The following CHCHD6 variants were observed in gnomAD, a reference collection of about 807,000 sequenced individuals.
CHCHD6 encodes MICOS complex subunit MIC25.
CHCHD6 carries 28 observed loss-of-function variants against 32.3 expected under a neutral mutation model. The ratio of observed to expected loss-of-function variants is 0.87; its 90% confidence interval spans 0.64 to 1.19. CHCHD6 has a LOEUF of 1.19. CHCHD6 is among the 50% of genes most tolerant of loss of function. The probability of loss-of-function intolerance (pLI) is 0.00; values close to 1 mark genes in which losing one functional copy is unlikely to be tolerated. For synonymous variants in CHCHD6, 122 were observed against 117.5 expected (o/e 1.04, Z -0.25); for missense variants, 333 against 307.0 (o/e 1.08, Z -0.63).
At chr3:126,705,094 G>C (rs1017970331) in intron 1 of CHCHD6, among the ~76,000 whole-genome samples, 17 of 152,136 alleles carry the variant, frequency 1.1e-4, no homozygotes, top group Non-Finnish European at 2.4e-4. Flanking sequence ...TCTGTGCGCC[G>C]GCTGTTCTCT....
At chr3:126,951,301 C>T (rs1461126970) in intron 6 of CHCHD6, among the ~76,000 whole-genome samples, 1 of 152,174 alleles carries the variant, frequency 6.6e-6, no homozygotes, top group Non-Finnish European at 1.5e-5. Flanking sequence ...TTATAAATTA[C>T]CCAGTCTCAG....
At chr3:126,951,914 T>C (rs1300599649) in intron 6 of CHCHD6, among the ~76,000 whole-genome samples, 1 of 152,218 alleles carries the variant, frequency 6.6e-6, no homozygotes, top group African/African-American at 2.4e-5. Flanking sequence ...TTTCAAATGG[T>C]GAACTTGAGC....
At chr3:126,943,822 G>A (rs913800135) in intron 6 of CHCHD6, among the ~76,000 whole-genome samples, 6 of 152,166 alleles carry the variant, frequency 3.9e-5, no homozygotes, top group Admixed American at 6.5e-5. Context: ...TAGATGGGGG[G>A]CCCAGGTCTT....
intron 1 of CHCHD6, among the ~76,000 whole-genome samples, chr3:126,724,715 C>G (rs1460162724): frequency 6.6e-6 from 1 of 152,240 alleles, no homozygotes; most frequent in Non-Finnish European, 1.5e-5. Context: ...AGTCAGTTCT[C>G]TAAAACCCTG....
intron 5 of CHCHD6, among the ~76,000 whole-genome samples, chr3:126,886,403 CATTGTCCAGCACATCT>C (rs2077680493): frequency 6.6e-6 from 1 of 152,194 alleles, no homozygotes; most frequent in Admixed American, 6.5e-5. Context: ...ATGAATCATC[CATTGTCCAGCACATCT>C]ACGCTGTAGA....
chr3:126,911,681 C>T (rs2078093152), intron 5 of CHCHD6, among the ~76,000 whole-genome samples: 1 of 152,232 alleles, frequency 6.6e-6, no homozygotes, highest in Admixed American at 6.5e-5. Context: ...ATCGAGTTGA[C>T]CACATGTTCA....
At chr3:126,877,277 C>T (rs117632938) in intron 5 of CHCHD6, among the ~76,000 whole-genome samples, 3,837 of 152,200 alleles carry the variant, frequency 0.025, 130 homozygotes, top group East Asian at 0.16. Context: ...AGTCAACGGC[C>T]GGGCGTGGTG....
At chr3:126,785,813 T>C (rs917979266) in intron 4 of CHCHD6, among the ~76,000 whole-genome samples, 2 of 152,172 alleles carry the variant, frequency 1.3e-5, no homozygotes, top group Non-Finnish European at 2.9e-5. Flanking sequence ...ACTTTGTTTC[T>C]TTTATACATA....
chr3:126,742,123 C>A (rs1936313166), intron 4 of CHCHD6, among the ~76,000 whole-genome samples: 1 of 152,198 alleles, frequency 6.6e-6, no homozygotes, highest in Non-Finnish European at 1.5e-5. Flanking sequence ...GTAGTAAGAC[C>A]TCTGATCCCA....
At chr3:126,843,865 C>G (rs555727115) in intron 4 of CHCHD6, among the ~76,000 whole-genome samples, 18 of 152,280 alleles carry the variant, frequency 1.2e-4, no homozygotes, top group African/African-American at 4.1e-4. Flanking sequence ...CCATTTATAT[C>G]ATTATGTTTA....
intron 1 of CHCHD6, among the ~76,000 whole-genome samples, chr3:126,724,513 G>A (rs1935446531): frequency 6.6e-6 from 1 of 152,154 alleles, no homozygotes; most frequent in Non-Finnish European, 1.5e-5. Context: ...CTTTTTGCTG[G>A]TGGGGGGTCT....
At chr3:126,828,739 G>T (rs1050444044) in intron 4 of CHCHD6, among the ~76,000 whole-genome samples, 6 of 152,174 alleles carry the variant, frequency 3.9e-5, no homozygotes, top group Admixed American at 1.3e-4. Flanking sequence ...TCAGTCCAGG[G>T]TCTACCTGCC....
chr3:126,770,904 A>G (rs1039732011), intron 4 of CHCHD6, among the ~76,000 whole-genome samples: 1 of 152,182 alleles, frequency 6.6e-6, no homozygotes, highest in Admixed American at 6.5e-5. Flanking sequence ...TAGGAATGGT[A>G]CCAACTATTC....
At chr3:126,921,346 G>C (rs1559923676) in intron 6 of CHCHD6, among the ~76,000 whole-genome samples, 1 of 152,162 alleles carries the variant, frequency 6.6e-6, no homozygotes, top group Non-Finnish European at 1.5e-5. Flanking sequence ...GAATCCTGTT[G>C]TTAAGACAGA....
chr3:126,786,138 C>T (rs1938197433), intron 4 of CHCHD6, among the ~76,000 whole-genome samples: 1 of 152,148 alleles, frequency 6.6e-6, no homozygotes. Context: ...TCATCCATGT[C>T]CCTATAAAGG....
intron 4 of CHCHD6, among the ~76,000 whole-genome samples, chr3:126,797,683 A>C (rs1423744754): frequency 6.6e-6 from 1 of 152,222 alleles, no homozygotes; most frequent in Non-Finnish European, 1.5e-5. Flanking sequence ...TTAAAAGAAA[A>C]AGTGAAAGTC....
At chr3:126,764,200 CATATATATAT>C (rs143293559) in intron 4 of CHCHD6, among the ~76,000 whole-genome samples, 13 of 139,808 alleles carry the variant, frequency 9.3e-5, no homozygotes, top group East Asian at 4.1e-4. Flanking sequence ...TACATACATG[CATATATATAT>C]ATATATATAT....
At chr3:126,778,518 TG>T (rs1576404602) in intron 4 of CHCHD6, among the ~76,000 whole-genome samples, 1 of 152,228 alleles carries the variant, frequency 6.6e-6, no homozygotes, top group African/African-American at 2.4e-5. Flanking sequence ...TGGCTAATGA[TG>T]TTGAATATCT....
At chr3:126,715,872 G>A (rs1934988608) in intron 1 of CHCHD6, among the ~76,000 whole-genome samples, 2 of 152,158 alleles carry the variant, frequency 1.3e-5, no homozygotes, top group African/African-American at 2.4e-5. Context: ...CTTTCTGCAA[G>A]TACAAATGAG....
Sources: allele counts gnomAD v4.1 joint callset (sites outside exome capture counted in the v4.1 genomes callset), GRCh38; gene constraint gnomAD v4.1.1; transcripts MANE v1.5; gene names NCBI Gene and HGNC (gene_info 2026-07-23, HGNC 2026-07-21).